Variants in BCR observed in about 807,000 individuals in gnomAD.
BCR encodes BCR activator of RhoGEF and GTPase.
In BCR, 58 loss-of-function variants were observed where a neutral mutation model predicts 138.6. The ratio of observed to expected loss-of-function variants is 0.42; its 90% confidence interval spans 0.34 to 0.52. The LOEUF (loss-of-function observed/expected upper bound fraction) is 0.52. Ranked by LOEUF, BCR falls within the 20% of genes least tolerant of loss-of-function variation. The pLI is 0.06. For synonymous variants in BCR, 786 were observed against 730.1 expected, an observed-to-expected ratio of 1.08 and a Z score of -1.23; for missense variants, 1,599 against 1,727.2, an observed-to-expected ratio of 0.93 and a Z score of 1.32.
At chr22:23,265,760 G>A (rs115409937) in intron 4 of BCR, among the ~76,000 whole-genome samples, 51 of 152,260 alleles carry the variant, frequency 3.3e-4, no homozygotes, top group African/African-American at 4.8e-4. Context: ...CTGTGCACAC[G>A]CAAACGCACA....
In BCR at chr22:23,181,810, G is replaced by A. The variant is rs895325286; in HGVS notation, c.850G>A (p.Val284Ile). ...LEYQPYQSIYVGGMMEGEGKG... is the reference protein window; with the variant it reads ...LEYQPYQSIYIGGMMEGEGKG... ...GTACCAGCCCTACCAGAGCATCTAC[G>A]TCGGGGGCATGATGGAAGGGGAGGG... Residue 284 changes from valine to isoleucine, a missense_variant, in exon 1 of 23, where the codon GTC (valine) becomes ATC (isoleucine). Val to Ile is a conservative substitution (Grantham distance 29). Coordinates refer to ENST00000305877, the MANE Select transcript of BCR (RefSeq NM_004327.4). 8 of 1,610,342 alleles carry A rather than the reference G, an allele frequency of 5.0e-6. No individual in the cohort carries two copies. Among genetic ancestry groups the A allele is most frequent in the East Asian group, 4.5e-5 (2 of 44,886 alleles).
At chr22:23,210,229 A>G (rs2072665268) in intron 1 of BCR, among the ~76,000 whole-genome samples, 1 of 152,058 alleles carries the variant, frequency 6.6e-6, no homozygotes, top group Non-Finnish European at 1.5e-5. Flanking sequence ...CAGCCTGGGC[A>G]ACAAAGTGAG....
chr22:23,208,472 A>G (rs939145918), intron 1 of BCR, among the ~76,000 whole-genome samples: 12 of 152,276 alleles, frequency 7.9e-5, no homozygotes, highest in African/African-American at 2.9e-4. Flanking sequence ...AACCATTTAA[A>G]AATAACACAG....
At chr22:23,186,497 A>G (rs1391236727) in intron 1 of BCR, among the ~76,000 whole-genome samples, 2 of 152,100 alleles carry the variant, frequency 1.3e-5, no homozygotes, top group African/African-American at 4.8e-5. Context: ...GTCCATCTTG[A>G]ACTTTTTCAT....
At chr22:23,223,441 T>C (rs2072851925) in intron 1 of BCR, among the ~76,000 whole-genome samples, 1 of 152,210 alleles carries the variant, frequency 6.6e-6, no homozygotes, top group Non-Finnish European at 1.5e-5. Flanking sequence ...TGTACATTTC[T>C]TAGCATCTTG....
At chr22:23,184,375 GAC>G (rs2072311913) in intron 1 of BCR, among the ~76,000 whole-genome samples, 1 of 152,086 alleles carries the variant, frequency 6.6e-6, no homozygotes, top group Non-Finnish European at 1.5e-5. Flanking sequence ...ACAGGGATGA[GAC>G]ACCTCACCAG....
At chr22:23,220,717 G>A (rs1036590048) in intron 1 of BCR, among the ~76,000 whole-genome samples, 1 of 152,018 alleles carries the variant, frequency 6.6e-6, no homozygotes, top group Non-Finnish European at 1.5e-5. Flanking sequence ...TCGGAGCTGG[G>A]CAACGATCCT....
intron 1 of BCR, among the ~76,000 whole-genome samples, chr22:23,233,630 A>G (rs1261028889): frequency 6.6e-6 from 1 of 152,038 alleles, no homozygotes; most frequent in Non-Finnish European, 1.5e-5. Context: ...TTTGCTAAAA[A>G]TATAAAAATT....
intron 1 of BCR, among the ~76,000 whole-genome samples, chr22:23,184,759 C>G (rs1206666253): frequency 6.6e-6 from 1 of 152,160 alleles, no homozygotes; most frequent in African/African-American, 2.4e-5. Context: ...CCTTGACACT[C>G]TGCCTAGCAG....
intron 1 of BCR, among the ~76,000 whole-genome samples, chr22:23,202,491 T>C (rs1288505145): frequency 6.6e-6 from 1 of 152,152 alleles, no homozygotes; most frequent in Admixed American, 6.6e-5. Flanking sequence ...AAATCTGTAC[T>C]CATTTCCACC....
rs2035932051 is a variant in BCR at position 23,268,478 on chromosome 22, G to C, written c.1823G>C (p.Cys608Ser). Residue 608 changes from cysteine (C) to serine (S), a missense_variant, in exon 5 of 23, where the codon TGC (cysteine) becomes TCC (serine). Physicochemically the swap from Cys to Ser is moderately radical, Grantham distance 112. Around this residue, in one of 4 missense-constraint regions of BCR, gnomAD observed 590 missense variants for 762.4 expected, o/e 0.77. Transcript: ENST00000305877. ...GTTGCCATGGAAATGGCTGAGAAGT[G>C]CTGTCAGGCCAATGCTCAGTTTGCA... ...YGVAMEMAEK[C>S]CQANAQFAEI... 6.2e-7 allele frequency: 1 copy of C among 1,613,892 alleles called. No individual in the cohort carries two copies. The highest frequency in any genetic ancestry group is 1.3e-5 in the African/African-American group (1 of 74,946).
intron 1 of BCR, among the ~76,000 whole-genome samples, chr22:23,213,066 G>A (rs939122017): frequency 1.3e-5 from 2 of 152,142 alleles, no homozygotes; most frequent in East Asian, 3.9e-4. Context: ...TCCTGGGGAC[G>A]TACCACAAGA....
At chr22:23,241,358 C>G (rs937850426) in intron 1 of BCR, among the ~76,000 whole-genome samples, 1 of 152,188 alleles carries the variant, frequency 6.6e-6, no homozygotes, top group Non-Finnish European at 1.5e-5. Flanking sequence ...TCTGTATTTC[C>G]TCTTTGGAGG....
intron 18 of BCR, among the ~76,000 whole-genome samples, chr22:23,310,769 C>T (rs180797): frequency 0.39 from 56,532 of 146,570 alleles, 9,333 homozygotes; most frequent in East Asian, 0.56. Context: ...CCAAGAGAAG[C>T]CTGTTTGGTT....
rs5996482 is a variant in BCR at position 23,192,400 on chromosome 22, C to G, written c.1279+10161C>G. The stretch of plus-strand genomic sequence containing the variant: ...GACCTGGATCATTTGCTCAGCAAAC[C>G]GGTTTTGGGCACCTGCTGTGTTGGG... On this transcript the variant is annotated intron_variant, in intron 1 of 22. Coordinates refer to ENST00000305877, the MANE Select transcript of BCR (RefSeq NM_004327.4). Among the ~76,000 whole-genome samples the G allele has an allele frequency of 4.8e-3, 736 of 152,260 alleles. 5 individuals carry two copies. The highest frequency in any genetic ancestry group is 0.017 in the African/African-American group (693 of 41,546).
chr22:23,218,786 G>C (rs766229141), intron 1 of BCR, among the ~76,000 whole-genome samples: 2 of 152,394 alleles, frequency 1.3e-5, no homozygotes, highest in Non-Finnish European at 2.9e-5. Flanking sequence ...AGGCAAGGCA[G>C]AGGGGACTCC....
At chr22:23,183,602 G>A (rs2072298919) in intron 1 of BCR, among the ~76,000 whole-genome samples, 1 of 152,244 alleles carries the variant, frequency 6.6e-6, no homozygotes, top group Admixed American at 6.5e-5. Context: ...AGGCACATCA[G>A]CTCGTTCGGG....
intron 1 of BCR, among the ~76,000 whole-genome samples, chr22:23,187,296 T>C (rs962026816): frequency 2.2e-5 from 3 of 135,960 alleles, no homozygotes; most frequent in Non-Finnish European, 4.8e-5. Flanking sequence ...TTTTTTTTTT[T>C]TCACAGTTCT....
chr22:23,272,841 G>A (rs920273064), intron 6 of BCR, among the ~76,000 whole-genome samples: 11 of 152,146 alleles, frequency 7.2e-5, no homozygotes, highest in Admixed American at 1.3e-4. Flanking sequence ...TGTTGCCACC[G>A]AGCCAGCCAT....
Sources: allele counts gnomAD v4.1 joint callset (sites outside exome capture counted in the v4.1 genomes callset), GRCh38; gene constraint gnomAD v4.1.1; regional missense constraint gnomAD v4.1.1; transcripts MANE v1.5; gene names NCBI Gene and HGNC (gene_info 2026-07-23, HGNC 2026-07-21).